PITPNC1: variants seen among roughly 807,000 people sequenced by gnomAD.
PITPNC1 encodes cytoplasmic phosphatidylinositol transfer protein 1.
Under a neutral mutation model 44.7 loss-of-function variants are expected in PITPNC1, and 18 were observed. That is an observed-to-expected ratio of 0.40 (90% CI 0.28 to 0.60). The LOEUF is 0.60. Among genes scored for constraint, PITPNC1 ranks in the 20% least tolerant of loss-of-function variants. The pLI is 0.39. For missense variants in PITPNC1, 290 were observed against 418.4 expected (o/e 0.69, Z 2.68); for synonymous variants, 141 against 149.6 (o/e 0.94, Z 0.42).
chr17:67,670,620 C>T (rs1465284421), intron 7 of PITPNC1, among the ~76,000 whole-genome samples: 3 of 151,316 alleles, frequency 2.0e-5, no homozygotes, highest in African/African-American at 7.3e-5. Context: ...TGTGGTGGCA[C>T]GTGCCTATAA....
At chr17:67,598,663 G>T (rs1187779296) in intron 5 of PITPNC1, among the ~76,000 whole-genome samples, 1 of 152,076 alleles carries the variant, frequency 6.6e-6, no homozygotes, top group East Asian at 1.9e-4. Flanking sequence ...GCCAAGGCAG[G>T]CAGATCATCT....
At chr17:67,600,381 A>T (rs1169103775) in intron 5 of PITPNC1, among the ~76,000 whole-genome samples, 1 of 152,230 alleles carries the variant, frequency 6.6e-6, no homozygotes, top group Non-Finnish European at 1.5e-5. Context: ...GAAGAAAATA[A>T]CTTTGTAGAC....
At chr17:67,501,332 A>G (rs1395970336) in intron 1 of PITPNC1, among the ~76,000 whole-genome samples, 2 of 152,202 alleles carry the variant, frequency 1.3e-5, no homozygotes, top group Non-Finnish European at 2.9e-5. Context: ...CTAGTGCTGT[A>G]GATGCACTCC....
chr17:67,552,177 G>A, intron 2 of PITPNC1, 80 bp from the exon 3 acceptor site: 5 of 782,652 alleles, frequency 6.4e-6, no homozygotes, highest in Non-Finnish European at 1.1e-5. Flanking sequence ...GATTTCTCCA[G>A]CATTTTATCC....
chr17:67,576,738 G>T (rs927588960), intron 4 of PITPNC1, among the ~76,000 whole-genome samples: 1 of 152,192 alleles, frequency 6.6e-6, no homozygotes, highest in Non-Finnish European at 1.5e-5. Flanking sequence ...TGTAGGGCTG[G>T]GTTGCATTTG....
intron 1 of PITPNC1, among the ~76,000 whole-genome samples, chr17:67,378,636 T>TGCGCCCTCGGGATCTGC (rs2037908665): frequency 1.3e-5 from 2 of 152,082 alleles, no homozygotes; most frequent in South Asian, 4.1e-4. Context: ...GGAGGAGCCC[T>TGCGCCCTCGGGATCTGC]GCGCCCTCGG....
intron 5 of PITPNC1, among the ~76,000 whole-genome samples, chr17:67,623,830 A>T (rs1315897721): frequency 6.6e-6 from 1 of 152,236 alleles, no homozygotes; most frequent in Non-Finnish European, 1.5e-5. Context: ...AAAATTGTGG[A>T]TTTATGAAGA....
chr17:67,381,724 C>T (rs2037963406), intron 1 of PITPNC1, among the ~76,000 whole-genome samples: 1 of 136,920 alleles, frequency 7.3e-6, no homozygotes, highest in Non-Finnish European at 1.6e-5. Context: ...CCTTGGCCTC[C>T]CAAAGGCGTG....
intron 1 of PITPNC1, among the ~76,000 whole-genome samples, chr17:67,509,776 C>T (rs894441879): frequency 6.6e-6 from 1 of 152,160 alleles, no homozygotes; most frequent in African/African-American, 2.4e-5. Flanking sequence ...GAAGAATCAA[C>T]TTCCTGAGTG....
At chr17:67,612,506 T>C (rs1246178494) in intron 5 of PITPNC1, 1 of 152,220 alleles carries the variant, frequency 6.6e-6, no homozygotes, top group African/African-American at 2.4e-5. Flanking sequence ...GTTTCTAAAG[T>C]CGTACAACTC....
chr17:67,396,441 A>T (rs149571747), intron 1 of PITPNC1, among the ~76,000 whole-genome samples: 2,243 of 145,134 alleles, frequency 0.015, 59 homozygotes, highest in African/African-American at 0.054. Flanking sequence ...GCGTGATCTC[A>T]GCTCACTGCA....
chr17:67,471,598 A>G (rs962108456), intron 1 of PITPNC1: 1 of 358,856 alleles, frequency 2.8e-6, no homozygotes, highest in African/African-American at 2.3e-5. Context: ...TGGATTTGCA[A>G]TTATTCTGTA....
intron 5 of PITPNC1, among the ~76,000 whole-genome samples, chr17:67,588,224 G>T (rs1157776560): frequency 6.6e-6 from 1 of 152,086 alleles, no homozygotes; most frequent in Non-Finnish European, 1.5e-5. Context: ...CGCTGATCTT[G>T]AACTCCTGAC....
At chr17:67,680,025 C>T (rs751134698) in intron 8 of PITPNC1, among the ~76,000 whole-genome samples, 9 of 152,064 alleles carry the variant, frequency 5.9e-5, no homozygotes, top group African/African-American at 1.4e-4. Context: ...CTGCTGTAGA[C>T]GACACTACCT....
rs1316114283 is a variant in PITPNC1 at position 67,587,208 on chromosome 17, C to T, written c.366+8951C>T. Among the ~76,000 whole-genome samples the T allele has an allele frequency of 2.6e-5, 4 of 151,878 alleles. No homozygotes were observed. In the South Asian group the frequency reaches 6.2e-4, roughly 24 times the overall value. ...GAGGGGTAAGAAGTTGGATATTGGC[C>T]AGGTGTTGTGGCTCTCACCTGTAAT... On this transcript the variant is annotated intron_variant, in intron 5 of 8. Transcript: ENST00000581322.
At chr17:67,500,350 C>T (rs1415536378) in intron 1 of PITPNC1, among the ~76,000 whole-genome samples, 1 of 152,164 alleles carries the variant, frequency 6.6e-6, no homozygotes, top group Non-Finnish European at 1.5e-5. Flanking sequence ...TATGCTACAA[C>T]ATGGATGGAC....
chr17:67,517,755 A>G (rs939334555), intron 1 of PITPNC1, among the ~76,000 whole-genome samples: 2 of 152,296 alleles, frequency 1.3e-5, no homozygotes, highest in Non-Finnish European at 2.9e-5. Flanking sequence ...CTGGGAGGAG[A>G]AGAGAATCAG....
At chr17:67,504,612 AG>A (rs2040077115) in intron 1 of PITPNC1, among the ~76,000 whole-genome samples, 1 of 152,238 alleles carries the variant, frequency 6.6e-6, no homozygotes, top group Non-Finnish European at 1.5e-5. Flanking sequence ...TTTCAATATC[AG>A]GGGAATTCAG....
At chr17:67,398,509 G>A (rs200902519) in intron 1 of PITPNC1, among the ~76,000 whole-genome samples, 1 of 121,078 alleles carries the variant, frequency 8.3e-6, no homozygotes, top group East Asian at 2.0e-4. Context: ...CGTGCAGTTG[G>A]GTGTTGTGGA....
Sources: gnomAD v4.1 joint callset for allele counts (sites outside exome capture counted in the v4.1 genomes callset) on GRCh38, gnomAD v4.1.1 for gene constraint, MANE v1.5 for transcripts, NCBI Gene and HGNC (gene_info 2026-07-23, HGNC 2026-07-21) for gene names.